TMEM266: variants seen among roughly 807,000 people sequenced by gnomAD.
TMEM266 encodes the protein transmembrane protein 266.
Under a neutral mutation model 50.5 loss-of-function variants are expected in TMEM266, and 33 were observed. The observed-to-expected ratio is 0.65, with a 90% CI of 0.50 to 0.87. The LOEUF is 0.87. Ranked by LOEUF, TMEM266 falls within the 40% of genes least tolerant of loss-of-function variation. The probability of loss-of-function intolerance (pLI) is 0.00; values close to 1 mark genes in which losing one functional copy is unlikely to be tolerated. For missense variants in TMEM266, 655 were observed against 695.1 expected, an observed-to-expected ratio of 0.94 and a Z score of 0.65; for synonymous variants, 310 against 292.3, an observed-to-expected ratio of 1.06 and a Z score of -0.62.
intron 1 of TMEM266, among the ~76,000 whole-genome samples, chr15:76,071,440 G>C (rs1489575917): frequency 1.3e-5 from 2 of 152,152 alleles, no homozygotes; most frequent in African/African-American, 2.4e-5. Flanking sequence ...CAGTGTGAGG[G>C]AAAGTACGAT....
intron 8 of TMEM266, among the ~76,000 whole-genome samples, chr15:76,189,898 C>G (rs1380483646): frequency 1.3e-5 from 2 of 152,178 alleles, no homozygotes; most frequent in African/African-American, 4.8e-5. Context: ...AGCACAGAGG[C>G]AACCAAAATT....
At chr15:76,157,172 C>T (rs1355094232) in intron 4 of TMEM266, among the ~76,000 whole-genome samples, 1 of 152,138 alleles carries the variant, frequency 6.6e-6, no homozygotes, top group Admixed American at 6.5e-5. Flanking sequence ...ATTATGACAG[C>T]GACCACAGTG....
chr15:76,132,815 T>TAA (rs900905792), intron 1 of TMEM266, among the ~76,000 whole-genome samples: 3 of 74,478 alleles, frequency 4.0e-5, no homozygotes, highest in African/African-American at 3.1e-4. Context: ...ATAATAGTAA[T>TAA]TATTATTATT....
intron 1 of TMEM266, among the ~76,000 whole-genome samples, chr15:76,086,929 G>GGT (rs1555445649): frequency 1.2e-4 from 4 of 33,904 alleles, no homozygotes; most frequent in South Asian, 1.0e-3. Flanking sequence ...GGAGCAGGTC[G>GGT]GGGGGGGGGC....
rs1436863531 is a variant in TMEM266 at position 76,203,868 on chromosome 15, C to T, written c.1149C>T (p.Ser383=). ...TCAAACTCGGCGGTAATGGCACCAG[C>T]GCCACCTCGGAGAGTGCCTCCCGCA... Residue 383 remains serine (S), a synonymous_variant, in exon 11 of 11, where the codon AGC becomes AGT. Coordinates refer to ENST00000388942, the MANE Select transcript of TMEM266 (RefSeq NM_152335.3). 14 of 1,614,072 alleles carry T rather than the reference C, an allele frequency of 8.7e-6. No homozygotes were observed. In the Admixed American group the frequency reaches 1.8e-4, roughly 21 times the overall value.
At chr15:76,165,661 T>C (rs543298897) in intron 5 of TMEM266, among the ~76,000 whole-genome samples, 109 of 152,302 alleles carry the variant, frequency 7.2e-4, no homozygotes, top group African/African-American at 2.5e-3. Context: ...TCCCTCATCG[T>C]CACCCTGCTT....
At chr15:76,121,231 T>G (rs1164753789) in intron 1 of TMEM266, among the ~76,000 whole-genome samples, 1 of 152,138 alleles carries the variant, frequency 6.6e-6, no homozygotes, top group African/African-American at 2.4e-5. Context: ...GAGGTTTAAC[T>G]TTTATGTATT....
chr15:76,084,520 A>G (rs1349800653), intron 1 of TMEM266, among the ~76,000 whole-genome samples: 1 of 152,194 alleles, frequency 6.6e-6, no homozygotes, highest in Non-Finnish European at 1.5e-5. Context: ...GGCAACTGGG[A>G]CACAGGTCAT....
At position 76,191,960 on chromosome 15, in the gene TMEM266, C is replaced by G; in HGVS notation, c.769-8C>G. 1.3e-6 allele frequency: 2 copies of G among 1,580,296 alleles called. No homozygotes were observed. The highest frequency in any genetic ancestry group is 8.6e-7 in the Non-Finnish European group (1 of 1,168,626). On this transcript the variant is annotated splice_region_variant and splice_polypyrimidine_tract_variant and intron_variant, in intron 8 of 10. Coordinates refer to ENST00000388942, the MANE Select transcript of TMEM266 (RefSeq NM_152335.3). ...CGCTGATTCAGCCTTGCCCGTCTCC[C>G]TCCGCAGTTTGAGATCCGGCAGCTG...
intron 1 of TMEM266, among the ~76,000 whole-genome samples, chr15:76,123,102 C>T (rs575792318): frequency 5.9e-5 from 9 of 152,308 alleles, no homozygotes; most frequent in Admixed American, 3.3e-4. Context: ...GACCTTGGCT[C>T]ACCTAGAGAT....
intron 1 of TMEM266, among the ~76,000 whole-genome samples, chr15:76,107,273 G>C (rs2037097365): frequency 6.6e-6 from 1 of 152,168 alleles, no homozygotes; most frequent in Admixed American, 6.6e-5. Flanking sequence ...TCAGTTTCCA[G>C]TGTGTATTTT....
intron 1 of TMEM266, among the ~76,000 whole-genome samples, chr15:76,092,230 A>G (rs1305234657): frequency 6.6e-6 from 1 of 152,130 alleles, no homozygotes; most frequent in East Asian, 1.9e-4. Context: ...TAATTATAGT[A>G]TAAATGCTGC....
chr15:76,147,841 G>A (rs1297057958), intron 3 of TMEM266, among the ~76,000 whole-genome samples: 1 of 152,184 alleles, frequency 6.6e-6, no homozygotes, highest in African/African-American at 2.4e-5. Flanking sequence ...GACTAGCCTG[G>A]AGTGTGAGAA....
At chr15:76,193,901 A>T (rs1269161114) in intron 9 of TMEM266, among the ~76,000 whole-genome samples, 1 of 152,208 alleles carries the variant, frequency 6.6e-6, no homozygotes, top group Non-Finnish European at 1.5e-5. Context: ...CAAGTTCTTG[A>T]TGTACTGCCT....
Position 76,133,324 on chromosome 15 carries a change from T to C in TMEM266, c.-96-844T>C, listed in dbSNP as rs559153127. Among the ~76,000 whole-genome samples, 174 of 151,442 alleles carry C rather than the reference T, an allele frequency of 1.1e-3. 1 individual carries two copies. Among genetic ancestry groups the C allele is most frequent in the Middle Eastern group, 3.4e-3 (1 of 292 alleles). On this transcript the variant is annotated intron_variant, in intron 1 of 10. Coordinates refer to ENST00000388942, the MANE Select transcript of TMEM266 (RefSeq NM_152335.3). ...GGTGGTGCATCCCTGTAACCCCAGC[T>C]ACTTTGGGAGGCTGAGGCAGGAGAA...
At chr15:76,142,633 T>C (rs918416962) in intron 3 of TMEM266, among the ~76,000 whole-genome samples, 5 of 152,078 alleles carry the variant, frequency 3.3e-5, no homozygotes, top group African/African-American at 1.2e-4. Context: ...TCCTAATGGG[T>C]GTGAGGTGGT....
chr15:76,184,564 G>T (rs1185559264), intron 8 of TMEM266, among the ~76,000 whole-genome samples: 1 of 152,264 alleles, frequency 6.6e-6, no homozygotes, highest in Non-Finnish European at 1.5e-5. Flanking sequence ...AGGGCAGCCT[G>T]TGCAGACAGC....
At chr15:76,074,644 G>T (rs2036581105) in intron 1 of TMEM266, among the ~76,000 whole-genome samples, 1 of 152,108 alleles carries the variant, frequency 6.6e-6, no homozygotes, top group Non-Finnish European at 1.5e-5. Flanking sequence ...CCATGGTGAG[G>T]ATTTGAATTT....
intron 9 of TMEM266, 59 bp from the exon 10 acceptor site, chr15:76,202,143 G>GTTA: frequency 6.9e-7 from 1 of 1,454,356 alleles, no homozygotes; most frequent in Non-Finnish European, 9.6e-7. Flanking sequence ...GGGGACAGGA[G>GTTA]TATAAGGGGT....
Sources: allele counts gnomAD v4.1 joint callset (sites outside exome capture counted in the v4.1 genomes callset), GRCh38; gene constraint gnomAD v4.1.1; transcripts MANE v1.5; gene names NCBI Gene and HGNC (gene_info 2026-07-23, HGNC 2026-07-21).